The following PDE8B variants were observed in gnomAD, a reference collection of about 807,000 sequenced individuals.
The protein encoded by PDE8B is high affinity cAMP-specific and IBMX-insensitive 3',5'-cyclic phosphodiesterase 8B.
In PDE8B, 26 loss-of-function variants were observed where a neutral mutation model predicts 101.3. That is an observed-to-expected ratio of 0.26 (90% CI 0.19 to 0.36). PDE8B has a LOEUF of 0.36. Among genes scored for constraint, PDE8B ranks in the 10% least tolerant of loss-of-function variants. PDE8B has a pLI of 1.00. For missense variants in PDE8B, 810 were observed against 1,163.1 expected (o/e 0.70, Z 4.42); for synonymous variants, 424 against 429.3 (o/e 0.99, Z 0.15).
the PDE8B span, among the ~76,000 whole-genome samples, chr5:77,157,576 G>T: frequency 2.0e-5 from 3 of 152,216 alleles, no homozygotes; most frequent in Non-Finnish European, 4.4e-5. Context: ...GCACATAGAG[G>T]CGTGATGGAT....
chr5:77,149,731 A>C, the PDE8B span, among the ~76,000 whole-genome samples: 2 of 152,180 alleles, frequency 1.3e-5, no homozygotes, highest in Admixed American at 6.5e-5. Context: ...AAATTCTTCG[A>C]TTAGTTCTAG....
chr5:77,149,640 T>C, the PDE8B span, among the ~76,000 whole-genome samples: 1 of 152,234 alleles, frequency 6.6e-6, no homozygotes, highest in Admixed American at 6.5e-5. Flanking sequence ...TTTTTAATTT[T>C]ATTTTTTGGG....
intron 1 of PDE8B, among the ~76,000 whole-genome samples, chr5:77,213,763 A>G (rs774069689): frequency 3.3e-5 from 5 of 151,904 alleles, no homozygotes; most frequent in Non-Finnish European, 7.4e-5. Context: ...CTCATTATCT[A>G]CTTGGCCTCT....
At chr5:77,304,267 T>C (rs1770660594) in intron 1 of PDE8B, among the ~76,000 whole-genome samples, 1 of 152,212 alleles carries the variant, frequency 6.6e-6, no homozygotes, top group Non-Finnish European at 1.5e-5. Context: ...TCATTGTAAT[T>C]TAAAATTTTT....
chr5:77,361,761 G>T (rs902589301), intron 10 of PDE8B, among the ~76,000 whole-genome samples: 5 of 152,018 alleles, frequency 3.3e-5, no homozygotes, highest in Admixed American at 6.6e-5. Context: ...TGATCCACCC[G>T]CCTCGGCCTC....
chr5:77,252,571 T>C (rs1251092710), intron 1 of PDE8B, among the ~76,000 whole-genome samples: 2 of 152,230 alleles, frequency 1.3e-5, no homozygotes, highest in Non-Finnish European at 2.9e-5. Context: ...CTGACTTTGA[T>C]ACAAGAAGAT....
chr5:77,110,635 T>C, the PDE8B span, among the ~76,000 whole-genome samples: 3 of 152,190 alleles, frequency 2.0e-5, no homozygotes, highest in African/African-American at 7.2e-5. Flanking sequence ...TGCAGCTTTC[T>C]AAAGGAATTC....
intron 20 of PDE8B, among the ~76,000 whole-genome samples, chr5:77,422,321 C>T (rs1171363681): frequency 8.5e-5 from 13 of 152,124 alleles, no homozygotes; most frequent in Admixed American, 5.9e-4. Context: ...GTCTACATGG[C>T]GCGTTATGGG....
the PDE8B span, among the ~76,000 whole-genome samples, chr5:77,198,067 T>A: frequency 5.9e-5 from 9 of 152,322 alleles, no homozygotes; most frequent in South Asian, 1.0e-3. Flanking sequence ...TTTTGTTGTC[T>A]TTCTTTAATG....
chr5:77,407,260 CT>C, intron 12 of PDE8B, 120 bp from the exon 13 acceptor site: 1 of 785,656 alleles, frequency 1.3e-6, no homozygotes, highest in South Asian at 1.4e-5. Flanking sequence ...GAATTCATGG[CT>C]TTTTAGGTGG....
chr5:77,232,462 TAATC>T (rs1176120414), intron 1 of PDE8B, among the ~76,000 whole-genome samples: 1 of 152,254 alleles, frequency 6.6e-6, no homozygotes, highest in East Asian at 1.9e-4. Context: ...TAAATCAAGT[TAATC>T]AAAGTGGAAT....
At chr5:77,311,033 T>C (rs1310830273) in intron 1 of PDE8B, among the ~76,000 whole-genome samples, 11 of 152,170 alleles carry the variant, frequency 7.2e-5, no homozygotes, top group Admixed American at 7.2e-4. Context: ...CAAGTGTCTC[T>C]GGTTGTGTAA....
chr5:77,413,373 G>T, intron 17 of PDE8B, 64 bp downstream of exon 17: 1 of 1,410,916 alleles, frequency 7.1e-7, no homozygotes, highest in Non-Finnish European at 1.0e-6. Context: ...CTTAATCTTA[G>T]TAAATACATT....
intron 1 of PDE8B, among the ~76,000 whole-genome samples, chr5:77,216,703 A>G (rs1749820099): frequency 6.6e-6 from 1 of 152,218 alleles, no homozygotes; most frequent in South Asian, 2.1e-4. Context: ...CAGAAGCTGT[A>G]GCCTTCAGGA....
the PDE8B span, among the ~76,000 whole-genome samples, chr5:77,172,149 C>A: frequency 6.6e-6 from 1 of 152,100 alleles, no homozygotes; most frequent in East Asian, 1.9e-4. Context: ...GGGGAAGAAG[C>A]CTCTGACTGG....
intron 12 of PDE8B, among the ~76,000 whole-genome samples, chr5:77,405,145 C>T (rs1057051484): frequency 6.6e-6 from 1 of 152,206 alleles, no homozygotes; most frequent in Non-Finnish European, 1.5e-5. Context: ...TCCCAACTCC[C>T]AACACAAACC....
At chr5:77,416,198 A>T (rs1240031665) in intron 17 of PDE8B, among the ~76,000 whole-genome samples, 1 of 152,200 alleles carries the variant, frequency 6.6e-6, no homozygotes, top group East Asian at 1.9e-4. Context: ...GCATGGTTTA[A>T]ATCAGTGTTA....
chr5:77,198,408 C>T, the PDE8B span, among the ~76,000 whole-genome samples: 1 of 152,070 alleles, frequency 6.6e-6, no homozygotes, highest in Non-Finnish European at 1.5e-5. Context: ...TCTCAAGTGC[C>T]CCTCTATGTT....
intron 1 of PDE8B, chr5:77,291,144 A>G (rs878915252): frequency 6.2e-7 from 1 of 1,610,644 alleles, no homozygotes; most frequent in East Asian, 2.2e-5. Context: ...AGCTCTCTTC[A>G]CTGCTGTGGG....
Sources: gnomAD v4.1 joint callset for allele counts (sites outside exome capture counted in the v4.1 genomes callset) on GRCh38, gnomAD v4.1.1 for gene constraint, MANE v1.5 for transcripts, NCBI Gene and HGNC (gene_info 2026-07-23, HGNC 2026-07-21) for gene names.